Variants in CLVS1 observed in about 807,000 individuals in gnomAD.
The protein encoded by CLVS1 is clavesin-1.
A neutral mutation model predicts 33.1 loss-of-function variants in CLVS1; 10 were observed. The observed-to-expected ratio is 0.30, with a 90% CI of 0.19 to 0.51. The LOEUF (loss-of-function observed/expected upper bound fraction) is 0.51, where lower values mean the gene tolerates loss of function less well. CLVS1 is among the 20% of genes least tolerant of loss of function. CLVS1 has a pLI of 0.97. For missense variants in CLVS1, 343 were observed against 433.4 expected (o/e 0.79, Z 1.85); for synonymous variants, 163 against 166.1 (o/e 0.98, Z 0.14).
intron 2 of CLVS1, among the ~76,000 whole-genome samples, chr8:61,190,395 G>A (rs1163924210): frequency 6.6e-6 from 1 of 152,122 alleles, no homozygotes; most frequent in African/African-American, 2.4e-5. Flanking sequence ...GAAATTTATA[G>A]CACTAAATGC....
chr8:61,365,651 T>C (rs1035697646), intron 2 of CLVS1, among the ~76,000 whole-genome samples: 3 of 152,230 alleles, frequency 2.0e-5, no homozygotes, highest in African/African-American at 2.4e-5. Context: ...TAGGCTGATA[T>C]GATCCTAGCT....
At chr8:61,365,168 G>T (rs1813145263) in intron 2 of CLVS1, among the ~76,000 whole-genome samples, 1 of 152,178 alleles carries the variant, frequency 6.6e-6, no homozygotes, top group African/African-American at 2.4e-5. Flanking sequence ...ATAAGAGTCA[G>T]GTTCAGGAGA....
At chr8:61,426,960 T>C (rs1815919157) in intron 3 of CLVS1, among the ~76,000 whole-genome samples, 1 of 152,196 alleles carries the variant, frequency 6.6e-6, no homozygotes, top group South Asian at 2.1e-4. Context: ...ACAGCACACA[T>C]ACATTTGAAA....
At chr8:61,010,252 C>T in the CLVS1 span, among the ~76,000 whole-genome samples, 1 of 152,186 alleles carries the variant, frequency 6.6e-6, no homozygotes. Context: ...CTGTCCTCCC[C>T]TGAGAGAGGC....
intron 1 of CLVS1, among the ~76,000 whole-genome samples, chr8:61,293,656 T>C (rs1164724857): frequency 6.6e-6 from 1 of 152,158 alleles, no homozygotes. Flanking sequence ...TATTCCTAGG[T>C]AAAAATTCAT....
chr8:61,392,930 C>G (rs372438148), intron 3 of CLVS1, among the ~76,000 whole-genome samples: 5 of 152,144 alleles, frequency 3.3e-5, no homozygotes, highest in African/African-American at 1.2e-4. Context: ...GTTGCCCAGG[C>G]TGGAGTGCAA....
chr8:61,300,013 C>A lies in CLVS1; in HGVS notation c.186C>A (p.Thr62=), dbSNP rs765369429. Residue 62 remains threonine (T), a synonymous_variant, in exon 2 of 6, where the codon ACC becomes ACA. Transcript: ENST00000325897. ...AGCAAGTCAGGGACATGATCATCAC[C>A]AGGCCTGACATTGGATTTTTACGTA... ...DIQQVRDMII[T]RPDIGFLRTD... 5 of 1,614,034 alleles carry A rather than the reference C, an allele frequency of 3.1e-6. No homozygotes were observed. The South Asian group carries it at 5.5e-5, about 18-fold the overall frequency.
intron 1 of CLVS1, among the ~76,000 whole-genome samples, chr8:61,296,433 A>G (rs940390613): frequency 6.6e-6 from 1 of 152,238 alleles, no homozygotes; most frequent in African/African-American, 2.4e-5. Context: ...CTGAACTGTA[A>G]GGTAAGTAAC....
At chr8:61,203,845 CA>C (rs1282515068) in intron 2 of CLVS1, among the ~76,000 whole-genome samples, 3 of 152,178 alleles carry the variant, frequency 2.0e-5, no homozygotes, top group African/African-American at 7.2e-5. Flanking sequence ...CAGTGGAAAG[CA>C]AGGCACACAG....
At chr8:60,998,397 C>T in the CLVS1 span, among the ~76,000 whole-genome samples, 4 of 152,106 alleles carry the variant, frequency 2.6e-5, no homozygotes, top group Admixed American at 2.6e-4. Flanking sequence ...CACCGGAATA[C>T]CCGACTTAAG....
chr8:61,010,949 C>T, the CLVS1 span, among the ~76,000 whole-genome samples: 5 of 152,344 alleles, frequency 3.3e-5, no homozygotes, highest in Non-Finnish European at 2.9e-5. Context: ...GGGCCCGGCA[C>T]ACGTTAGGCG....
At position 61,232,023 on chromosome 8, in the gene CLVS1, G is replaced by GTTTGTTTTTTTTT; in HGVS notation, c.-151-67651_-151-67650insGTTTTTTTTTTTT. 1.1e-4 allele frequency among the ~76,000 whole-genome samples: 7 copies of GTTTGTTTTTTTTT among 62,656 alleles called. 1 individual carries two copies. The highest frequency in any genetic ancestry group is 1.0e-3 in the East Asian group (3 of 2,866). The allele number at this position is 62,656 out of a possible 152,430, so 41.1% of individuals were successfully genotyped here. A position where few individuals can be genotyped will look rare whatever the true frequency, so the allele number is the denominator to read the frequency against. ...AGAAGGAGCCCTGAGGAAAGTTGTGGTTTTTTTTTTTTTTTTTTTTTTTTT... is the reference window on the plus strand; with the variant it reads ...AGAAGGAGCCCTGAGGAAAGTTGTGGTTTGTTTTTTTTTTTTTTTTTTTTTTTTTTTTTTTTTT... On this transcript the variant is annotated intron_variant, in intron 2 of 2. Transcript: ENST00000522621.
intron 3 of CLVS1, among the ~76,000 whole-genome samples, chr8:61,452,889 G>T (rs1447601455): frequency 6.6e-6 from 1 of 152,076 alleles, no homozygotes; most frequent in East Asian, 1.9e-4. Context: ...TACTCACACT[G>T]GAAACTAGGT....
At chr8:61,024,408 C>T in the CLVS1 span, among the ~76,000 whole-genome samples, 1 of 152,198 alleles carries the variant, frequency 6.6e-6, no homozygotes, top group Non-Finnish European at 1.5e-5. Flanking sequence ...ACCTCTCTGG[C>T]ACCTTTGTTT....
intron 2 of CLVS1, among the ~76,000 whole-genome samples, chr8:61,226,100 T>G (rs1019105199): frequency 9.1e-4 from 138 of 152,350 alleles, no homozygotes; most frequent in African/African-American, 3.2e-3. Flanking sequence ...CAGTTTGAGA[T>G]GCATGGACGA....
intron 3 of CLVS1, among the ~76,000 whole-genome samples, chr8:61,426,694 C>A (rs1174756900): frequency 6.6e-6 from 1 of 152,202 alleles, no homozygotes; most frequent in African/African-American, 2.4e-5. Flanking sequence ...CTGTCATATG[C>A]CTGGCTCTGT....
At chr8:61,292,454 G>A in intron 1 of CLVS1, 1 of 454,986 alleles carries the variant, frequency 2.2e-6, no homozygotes, top group South Asian at 1.6e-5. Context: ...GCCGTTTTTG[G>A]GTGAGTCCTA....
intron 2 of CLVS1, among the ~76,000 whole-genome samples, chr8:61,221,842 A>G (rs1808225493): frequency 6.6e-6 from 1 of 152,188 alleles, no homozygotes; most frequent in Non-Finnish European, 1.5e-5. Context: ...TAGGTTGTCA[A>G]TTATTGCCTC....
intron 2 of CLVS1, among the ~76,000 whole-genome samples, chr8:61,267,779 C>T (rs1278140359): frequency 6.6e-5 from 10 of 152,108 alleles, no homozygotes; most frequent in East Asian, 1.9e-4. Context: ...TGTAAGCTTC[C>T]GCAGTTAGCA....
Sources: gnomAD v4.1 joint callset for allele counts (sites outside exome capture counted in the v4.1 genomes callset) on GRCh38, gnomAD v4.1.1 for gene constraint, MANE v1.5 for transcripts, NCBI Gene and HGNC (gene_info 2026-07-23, HGNC 2026-07-21) for gene names.